Variants in DNER observed in about 807,000 individuals in gnomAD.
The protein encoded by DNER is delta/notch like EGF repeat containing, also known as delta and Notch-like epidermal growth factor-related receptor.
DNER carries 33 observed loss-of-function variants against 78.2 expected under a neutral mutation model. That is an observed-to-expected ratio of 0.42 (90% CI 0.32 to 0.56). The LOEUF (loss-of-function observed/expected upper bound fraction) is 0.56, where lower values mean the gene tolerates loss of function less well. DNER is among the 20% of genes least tolerant of loss of function. The pLI, the probability that DNER is intolerant of heterozygous loss-of-function variation, is 0.11. For synonymous variants in DNER, 417 were observed against 384.8 expected (o/e 1.08, Z -0.98); for missense variants, 918 against 975.3 (o/e 0.94, Z 0.78).
intron 1 of DNER, among the ~76,000 whole-genome samples, chr2:229,606,510 A>G (rs1220145862): frequency 6.6e-6 from 1 of 152,060 alleles, no homozygotes; most frequent in African/African-American, 2.4e-5. Context: ...TAAAATTCCC[A>G]TGAATAATTA....
chr2:229,556,410 G>A (rs1405253137), intron 4 of DNER, among the ~76,000 whole-genome samples: 4 of 152,144 alleles, frequency 2.6e-5, no homozygotes, highest in Non-Finnish European at 4.4e-5. Flanking sequence ...GTCTTGGATG[G>A]GTCCCTGGCA....
At chr2:229,425,871 CA>C (rs1270669250) in intron 8 of DNER, among the ~76,000 whole-genome samples, 1 of 152,160 alleles carries the variant, frequency 6.6e-6, no homozygotes, top group African/African-American at 2.4e-5. Context: ...TCAGGACAAC[CA>C]GGGGGAGGTC....
chr2:229,578,740 G>T (rs1407741779), intron 4 of DNER, among the ~76,000 whole-genome samples: 2 of 152,134 alleles, frequency 1.3e-5, no homozygotes, highest in African/African-American at 2.4e-5. Flanking sequence ...AGCTCCAGTT[G>T]CTTTTGAAAC....
chr2:229,581,023 TG>T (rs1697386430), intron 4 of DNER, among the ~76,000 whole-genome samples: 1 of 152,104 alleles, frequency 6.6e-6, no homozygotes, highest in African/African-American at 2.4e-5. Context: ...GGGCCGGCAG[TG>T]AGCTGCAGGG....
rs914959730 is a variant in DNER, at chr2:229,594,982, A to C, written c.277-3094T>G. Among the ~76,000 whole-genome samples, 9 of 86,520 alleles carry C rather than the reference A, an allele frequency of 1.0e-4. No homozygotes were observed. The South Asian group carries it at 1.5e-3, about 14-fold the overall frequency. The allele number at this position is 86,520 out of a possible 152,430, so 56.8% of individuals were successfully genotyped here. A position where few individuals can be genotyped will look rare whatever the true frequency, so the allele number is the denominator to read the frequency against. On this transcript the variant is annotated intron_variant, in intron 1 of 12. Transcript: ENST00000341772. ...AAAAAAAAAAAAAAAAAAAAAAAAA[A>C]AAAAAACTCTAAATCTGTCCTAGAG...
rs1380806571 is a variant in DNER, at chr2:229,366,814, C to T, written c.2102+59G>A. ...TGGAAAGTCCTGTGTATAATATGAC[C>T]CTGTTCCCAAGAATGCACATGTGAA... is the stretch of plus-strand genomic sequence containing the variant. On this transcript the variant is annotated intron_variant, in intron 12 of 12. Transcript: ENST00000341772. 1.2e-5 allele frequency: 19 copies of T among 1,604,338 alleles called. No homozygotes were observed. The Admixed American group carries it at 3.2e-4, about 27-fold the overall frequency.
At chr2:229,484,777 C>T (rs1352437366) in intron 6 of DNER, among the ~76,000 whole-genome samples, 1 of 152,166 alleles carries the variant, frequency 6.6e-6, no homozygotes, top group Non-Finnish European at 1.5e-5. Flanking sequence ...TCCTGAACAC[C>T]AAGGTTGAGA....
chr2:229,387,524 AAAG>A lies in DNER; in HGVS notation c.1855+738_1855+740del, dbSNP rs1692908893. ...GAAAGAAAGAGAGAAAGAAAGAAAG[AAAG>A]AAAGAAAGAAAGAAAGAAAGAAAGA... On this transcript the variant is annotated intron_variant, in intron 11 of 12. Coordinates refer to ENST00000341772, the MANE Select transcript of DNER (RefSeq NM_139072.4). Among the ~76,000 whole-genome samples the A allele has an allele frequency of 3.8e-5, 5 of 130,698 alleles. No homozygotes were observed. In the South Asian group the frequency reaches 7.2e-4, roughly 19 times the overall value. The allele number at this position is 130,698 out of a possible 152,430, so 85.7% of individuals were successfully genotyped here. A position where few individuals can be genotyped will look rare whatever the true frequency, so the allele number is the denominator to read the frequency against.
chr2:229,529,920 G>A (rs187950405), intron 5 of DNER, among the ~76,000 whole-genome samples: 1 of 152,230 alleles, frequency 6.6e-6, no homozygotes, highest in East Asian at 1.9e-4. Context: ...GAGGCGGGAG[G>A]ATTGGTTGAG....
At chr2:229,363,544 C>T (rs1024874920) in intron 12 of DNER, among the ~76,000 whole-genome samples, 2 of 152,156 alleles carry the variant, frequency 1.3e-5, no homozygotes, top group Non-Finnish European at 2.9e-5. Context: ...GAGAAGTTTT[C>T]CTAAAGGGAA....
At chr2:229,369,087 G>C (rs73096253) in intron 11 of DNER, among the ~76,000 whole-genome samples, 1 of 151,972 alleles carries the variant, frequency 6.6e-6, no homozygotes, top group South Asian at 2.1e-4. Context: ...CTTGAGCTTC[G>C]GTTTCTTTGT....
At chr2:229,453,937 A>G (rs1047723884) in intron 7 of DNER, among the ~76,000 whole-genome samples, 1 of 150,104 alleles carries the variant, frequency 6.7e-6, no homozygotes, top group African/African-American at 2.4e-5. Context: ...AAAAAAAAAA[A>G]AAAAAGAAAG....
At chr2:229,449,961 T>C (rs1694421283) in intron 7 of DNER, among the ~76,000 whole-genome samples, 2 of 152,150 alleles carry the variant, frequency 1.3e-5, no homozygotes, top group South Asian at 4.1e-4. Context: ...TTTGTATTTT[T>C]AGTTGAGACG....
At chr2:229,648,364 C>T (rs980910797) in intron 1 of DNER, among the ~76,000 whole-genome samples, 2 of 152,182 alleles carry the variant, frequency 1.3e-5, no homozygotes, top group African/African-American at 4.8e-5. Flanking sequence ...TTTGAATCAT[C>T]TATCCATTGT....
Position 229,655,027 on chromosome 2 carries a change from A to T in DNER, c.276+59121T>A, listed in dbSNP as rs942109295. On this transcript the variant is annotated intron_variant, in intron 1 of 12. Transcript: ENST00000341772. ...CTTTCAGATGTTTTAAAAAAAATTC[A>T]TCGGTACTGAGATGAATCTAATAGA... 3.3e-5 allele frequency among the ~76,000 whole-genome samples: 5 copies of T among 152,162 alleles called. No homozygotes were observed. In the East Asian group the frequency reaches 7.7e-4, roughly 23 times the overall value.
intron 1 of DNER, among the ~76,000 whole-genome samples, chr2:229,681,827 A>AACACACACAC (rs72248647): frequency 0.012 from 1,768 of 144,412 alleles, 18 homozygotes; most frequent in Middle Eastern, 0.021. Flanking sequence ...CTCTGCCTAA[A>AACACACACAC]ACACACACAC....
chr2:229,372,688 T>C (rs1692512580), intron 11 of DNER, among the ~76,000 whole-genome samples: 1 of 152,232 alleles, frequency 6.6e-6, no homozygotes, highest in Non-Finnish European at 1.5e-5. Context: ...AAGATCCTTC[T>C]GGCTGTGCAT....
chr2:229,396,936 T>TG (rs1693157331), intron 10 of DNER, among the ~76,000 whole-genome samples: 1 of 152,124 alleles, frequency 6.6e-6, no homozygotes, highest in South Asian at 2.1e-4. Flanking sequence ...AGGTCTAGTG[T>TG]GAAGGAATTG....
At chr2:229,664,669 C>T (rs1469134202) in intron 1 of DNER, among the ~76,000 whole-genome samples, 1 of 152,112 alleles carries the variant, frequency 6.6e-6, no homozygotes, top group Non-Finnish European at 1.5e-5. Flanking sequence ...CACAAAGAAG[C>T]TTCATAATTA....
Sources: allele counts gnomAD v4.1 joint callset (sites outside exome capture counted in the v4.1 genomes callset), GRCh38; gene constraint gnomAD v4.1.1; transcripts MANE v1.5; gene names NCBI Gene and HGNC (gene_info 2026-07-23, HGNC 2026-07-21).